Variants in PCDH7 observed in about 807,000 individuals in gnomAD.
PCDH7 encodes protocadherin-7.
Under a neutral mutation model 58.9 loss-of-function variants are expected in PCDH7, and 17 were observed. The observed-to-expected ratio is 0.29, with a 90% CI of 0.20 to 0.43. The LOEUF (loss-of-function observed/expected upper bound fraction) is 0.43, where lower values mean the gene tolerates loss of function less well. PCDH7 is among the 20% of genes least tolerant of loss of function. The pLI is 1.00. For missense variants in PCDH7, 1,274 were observed against 1,441.0 expected (o/e 0.88, Z 1.88); for synonymous variants, 664 against 616.4 (o/e 1.08, Z -1.14).
intron 3 of PCDH7, among the ~76,000 whole-genome samples, chr4:31,022,430 A>G (rs972601892): frequency 6.6e-6 from 1 of 152,200 alleles, no homozygotes; most frequent in Non-Finnish European, 1.5e-5. Context: ...CATTAAATCT[A>G]TTTAGGTAAT....
At chr4:30,843,975 A>G (rs1731576954) in intron 1 of PCDH7, among the ~76,000 whole-genome samples, 1 of 152,230 alleles carries the variant, frequency 6.6e-6, no homozygotes, top group Non-Finnish European at 1.5e-5. Context: ...CAAGGAGCAA[A>G]TGTCATGATC....
At chr4:31,032,120 A>T (rs1214025796) in intron 3 of PCDH7, among the ~76,000 whole-genome samples, 3 of 152,202 alleles carry the variant, frequency 2.0e-5, no homozygotes, top group African/African-American at 7.2e-5. Context: ...TCAGGCTATG[A>T]CAAACAACTT....
chr4:31,011,071 T>G (rs1183871318), intron 3 of PCDH7, among the ~76,000 whole-genome samples: 3 of 151,938 alleles, frequency 2.0e-5, no homozygotes, highest in Non-Finnish European at 2.9e-5. Context: ...TGGGTTTCTA[T>G]AATATGTATA....
intron 1 of PCDH7, among the ~76,000 whole-genome samples, chr4:30,759,288 C>A (rs140288714): frequency 6.6e-6 from 1 of 152,062 alleles, no homozygotes; most frequent in Non-Finnish European, 1.5e-5. Flanking sequence ...TGTCAGCATT[C>A]TTCTTTATGG....
chr4:30,856,339 C>T (rs917916866), intron 1 of PCDH7, among the ~76,000 whole-genome samples: 3 of 151,984 alleles, frequency 2.0e-5, no homozygotes, highest in Admixed American at 6.6e-5. Context: ...GTACTGGAGT[C>T]GTATTAATCC....
intron 3 of PCDH7, among the ~76,000 whole-genome samples, chr4:31,044,405 T>C (rs905300255): frequency 1.3e-5 from 2 of 152,212 alleles, no homozygotes; most frequent in South Asian, 2.1e-4. Context: ...ATAAATATCC[T>C]ATGACAACAA....
intron 3 of PCDH7, among the ~76,000 whole-genome samples, chr4:30,977,639 G>C (rs1197663917): frequency 1.3e-5 from 2 of 152,122 alleles, no homozygotes; most frequent in Non-Finnish European, 2.9e-5. Context: ...ATGCACTAGA[G>C]TGTTCTCAGA....
chr4:30,858,804 C>CT (rs570448459), intron 1 of PCDH7, among the ~76,000 whole-genome samples: 18 of 149,606 alleles, frequency 1.2e-4, no homozygotes, highest in South Asian at 8.5e-4. Flanking sequence ...CACATGAAGT[C>CT]TTTTTTTTTT....
chr4:30,882,390 G>T (rs1737099119), intron 1 of PCDH7, among the ~76,000 whole-genome samples: 1 of 152,036 alleles, frequency 6.6e-6, no homozygotes, highest in South Asian at 2.1e-4. Context: ...CTCCCAAGTA[G>T]TTGGGATGAC....
At chr4:30,993,252 T>C (rs184318721) in intron 3 of PCDH7, among the ~76,000 whole-genome samples, 204 of 152,316 alleles carry the variant, frequency 1.3e-3, no homozygotes, top group African/African-American at 4.6e-3. Context: ...GTTTCTACAT[T>C]TCCCATGTAT....
At chr4:30,831,156 G>A (rs1729726231) in intron 1 of PCDH7, among the ~76,000 whole-genome samples, 1 of 151,964 alleles carries the variant, frequency 6.6e-6, no homozygotes, top group African/African-American at 2.4e-5. Flanking sequence ...TTTTCTGTGG[G>A]GGTTATGATG....
At chr4:31,102,311 G>T (rs527921017) in intron 3 of PCDH7, among the ~76,000 whole-genome samples, 29 of 151,840 alleles carry the variant, frequency 1.9e-4, no homozygotes, top group Non-Finnish European at 3.2e-4. Flanking sequence ...ACTTTATTTT[G>T]CTAGCCACTC....
At chr4:31,015,542 C>CA (rs1332811885) in intron 3 of PCDH7, among the ~76,000 whole-genome samples, 2 of 152,140 alleles carry the variant, frequency 1.3e-5, no homozygotes, top group African/African-American at 4.8e-5. Context: ...CAAATCCTTG[C>CA]ACCTCCATTA....
intron 1 of PCDH7, among the ~76,000 whole-genome samples, chr4:30,914,017 A>G (rs1287388315): frequency 1.3e-5 from 2 of 152,160 alleles, no homozygotes; most frequent in Non-Finnish European, 2.9e-5. Context: ...ATTTTAGGGC[A>G]GAGGGGAGGA....
chr4:30,931,845 A>T (rs1251441425), intron 2 of PCDH7, among the ~76,000 whole-genome samples: 1 of 145,206 alleles, frequency 6.9e-6, no homozygotes, highest in Admixed American at 6.8e-5. Context: ...TTTTTTTACA[A>T]AATTTTCAGA....
chr4:30,827,253 C>T (rs1387400073), intron 1 of PCDH7, among the ~76,000 whole-genome samples: 1 of 152,144 alleles, frequency 6.6e-6, no homozygotes, highest in Non-Finnish European at 1.5e-5. Context: ...ACTCTCCTCA[C>T]AACTTTATTA....
At chr4:30,742,794 C>T (rs942719134) in intron 1 of PCDH7, among the ~76,000 whole-genome samples, 13 of 152,138 alleles carry the variant, frequency 8.5e-5, no homozygotes, top group Admixed American at 7.2e-4. Flanking sequence ...GAATATTCAT[C>T]ACATACTGCT....
Position 31,039,753 on chromosome 4 carries a change from T to C in PCDH7, c.*7+89538T>C, listed in dbSNP as rs532571322. Among the ~76,000 whole-genome samples, 192 of 152,340 alleles carry C rather than the reference T, an allele frequency of 1.3e-3. 1 individual carries two copies. Among genetic ancestry groups the C allele is most frequent in the Middle Eastern group, 6.8e-3 (2 of 294 alleles). ...TCTAACTGTTTTGCTGGTGTATGTA[T>C]GTATAGGCACAGTTCAAAACGGAAT... On this transcript the variant is annotated intron_variant, in intron 3 of 3. Coordinates refer to the PCDH7 transcript ENST00000509759.
chr4:30,770,777 A>G (rs1721301332), intron 1 of PCDH7, among the ~76,000 whole-genome samples: 1 of 152,240 alleles, frequency 6.6e-6, no homozygotes, highest in African/African-American at 2.4e-5. Context: ...ACCGTGTTCC[A>G]TTTGTTATAA....
Sources: allele counts gnomAD v4.1 joint callset (sites outside exome capture counted in the v4.1 genomes callset), GRCh38; gene constraint gnomAD v4.1.1; transcripts MANE v1.5; gene names NCBI Gene and HGNC (gene_info 2026-07-23, HGNC 2026-07-21).